Variants in ZSCAN5A observed in about 807,000 individuals in gnomAD.
The protein encoded by ZSCAN5A is zinc finger and SCAN domain containing 5A, also known as zinc finger and SCAN domain-containing protein 5A.
In ZSCAN5A, 12 loss-of-function variants were observed where a neutral mutation model predicts 23.7. The observed-to-expected ratio is 0.51, with a 90% CI of 0.32 to 0.82. ZSCAN5A has a LOEUF of 0.82. Ranked by LOEUF, ZSCAN5A falls within the 40% of genes least tolerant of loss-of-function variation. The probability of loss-of-function intolerance (pLI) is 0.03; values close to 1 mark genes in which losing one functional copy is unlikely to be tolerated. For missense variants in ZSCAN5A, 597 were observed against 617.9 expected (o/e 0.97, Z 0.36); for synonymous variants, 257 against 239.9 (o/e 1.07, Z -0.66).
intron 2 of ZSCAN5A, among the ~76,000 whole-genome samples, chr19:56,269,751 C>T (rs1300525880): frequency 1.3e-5 from 2 of 152,064 alleles, no homozygotes; most frequent in Non-Finnish European, 2.9e-5. Context: ...TGAAAGAGGC[C>T]GACCAGGAGT....
At chr19:56,295,960 G>C (rs1307811732) in intron 2 of ZSCAN5A, 1 of 152,660 alleles carries the variant, frequency 6.6e-6, no homozygotes. Flanking sequence ...CATCATCAGA[G>C]ATCCTAGGTG....
At chr19:56,224,065 C>T (rs2146398052) in intron 3 of ZSCAN5A, among the ~76,000 whole-genome samples, 1 of 151,812 alleles carries the variant, frequency 6.6e-6, no homozygotes, top group South Asian at 2.1e-4. Context: ...AAACATGGGT[C>T]CTTTAGATGA....
At chr19:56,298,949 G>C (rs2040055588) in intron 2 of ZSCAN5A, among the ~76,000 whole-genome samples, 1 of 152,156 alleles carries the variant, frequency 6.6e-6, no homozygotes. Flanking sequence ...CTAAATATTA[G>C]CAAGTGCAAT....
At chr19:56,222,462 G>T (rs1473183537) in intron 5 of ZSCAN5A, 129 bp downstream of exon 5, 5 of 1,548,490 alleles carry the variant, frequency 3.2e-6, no homozygotes, top group African/African-American at 2.8e-5. Context: ...TAGGTCTCTG[G>T]AAAGTAGAGG....
upstream of ZSCAN5A, among the ~76,000 whole-genome samples, chr19:56,318,613 A>G (rs192975106): frequency 1.4e-3 from 215 of 152,364 alleles, no homozygotes; most frequent in Admixed American, 2.9e-3. Context: ...TTATAGCATC[A>G]CTGACTTTAA....
At chr19:56,338,415 A>G (rs1487252443) in intron 2 of ZSCAN5A, 1 of 152,202 alleles carries the variant, frequency 6.6e-6, no homozygotes, top group Non-Finnish European at 1.5e-5. Context: ...AGATGGAGAC[A>G]ATCTCCACAG....
In ZSCAN5A at chr19:56,321,258, C is replaced by A. The variant is rs536904719; in HGVS notation, c.-357-4990G>T. 25 of 667,418 alleles carry A rather than the reference C, an allele frequency of 3.7e-5. No individual in the cohort carries two copies. The African/African-American group carries it at 4.1e-4, about 11-fold the overall frequency. 41.3% of individuals were successfully genotyped at this position (667,418 alleles called of 1,614,324 possible). A position where few individuals can be genotyped will look rare whatever the true frequency, so the allele number is the denominator to read the frequency against. On this transcript the variant is annotated intron_variant, in intron 2 of 6. Transcript: ENST00000587340. Reference sequence around the variant, plus strand: ...AATATCAGTTGGGGTATCAGTAGTGCCAGCAATCATCATCTTTTGCCAGGG... The same window carrying A: ...AATATCAGTTGGGGTATCAGTAGTGACAGCAATCATCATCTTTTGCCAGGG...
At chr19:56,357,161 A>T (rs1048261243) in intron 2 of ZSCAN5A, among the ~76,000 whole-genome samples, 3 of 148,476 alleles carry the variant, frequency 2.0e-5, no homozygotes, top group Non-Finnish European at 3.0e-5. Context: ...GTCTGGCTAC[A>T]TTCAATGACT....
intron 2 of ZSCAN5A, chr19:56,228,274 G>A (rs1302856048): frequency 2.0e-6 from 2 of 985,124 alleles, no homozygotes; most frequent in Non-Finnish European, 2.4e-6. Context: ...TTCTGCCTCC[G>A]ACCTTCTCGG....
chr19:56,365,405 C>A (rs1471933886), intron 1 of ZSCAN5A, among the ~76,000 whole-genome samples: 2 of 152,014 alleles, frequency 1.3e-5, no homozygotes, highest in African/African-American at 4.8e-5. Flanking sequence ...TTTTTATTTC[C>A]TCAACAATAG....
intron 2 of ZSCAN5A, among the ~76,000 whole-genome samples, chr19:56,264,221 C>G (rs1432242859): frequency 1.3e-5 from 2 of 152,136 alleles, no homozygotes; most frequent in Admixed American, 1.3e-4. Flanking sequence ...GTCTCGAACT[C>G]CTGACCTCAA....
intron 2 of ZSCAN5A, chr19:56,295,253 C>T (rs1212743045): frequency 2.0e-5 from 3 of 152,018 alleles, no homozygotes; most frequent in Admixed American, 6.6e-5. Context: ...TGGAATGTGC[C>T]ACCCCTGGAT....
intron 2 of ZSCAN5A, among the ~76,000 whole-genome samples, chr19:56,292,455 T>C (rs1378811079): frequency 6.6e-6 from 1 of 151,760 alleles, no homozygotes; most frequent in Non-Finnish European, 1.5e-5. Context: ...TTGTCTGTTT[T>C]TACTTTTTTT....
intron 2 of ZSCAN5A, chr19:56,322,333 A>G: frequency 1.2e-6 from 1 of 818,210 alleles, no homozygotes; most frequent in Non-Finnish European, 2.2e-6. Context: ...AGGACTTCTC[A>G]TTGTCTGCCG....
rs140058472 is a variant in ZSCAN5A, at chr19:56,310,866, T to C, written c.-128+2417A>G. Among the ~76,000 whole-genome samples, 313 of 152,280 alleles carry C rather than the reference T, an allele frequency of 2.1e-3. 1 individual carries two copies. The highest frequency in any genetic ancestry group is 7.2e-3 in the African/African-American group (300 of 41,544). Reference sequence around the variant, plus strand: ...TCCCAGCTCCACCCCTTAATAGATATGCAGGCTTGGGGAAGGTATTGTCTC... The same window carrying C: ...TCCCAGCTCCACCCCTTAATAGATACGCAGGCTTGGGGAAGGTATTGTCTC... On this transcript the variant is annotated intron_variant, in intron 2 of 5. Coordinates refer to ENST00000683990, the MANE Select transcript of ZSCAN5A (RefSeq NM_001322064.3).
chr19:56,237,950 T>A (rs1401410848), intron 2 of ZSCAN5A, among the ~76,000 whole-genome samples: 2 of 4,518 alleles, frequency 4.4e-4, no homozygotes, highest in Non-Finnish European at 1.1e-3. Flanking sequence ...TGATAGATCA[T>A]AAGTGTTTCA....
intron 2 of ZSCAN5A, among the ~76,000 whole-genome samples, chr19:56,276,860 A>G (rs908049548): frequency 2.0e-5 from 3 of 152,012 alleles, no homozygotes; most frequent in African/African-American, 4.8e-5. Context: ...ATTGATATTT[A>G]CCTTATTGTA....
At chr19:56,237,806 G>T (rs1294287964) in intron 2 of ZSCAN5A, among the ~76,000 whole-genome samples, 1 of 151,966 alleles carries the variant, frequency 6.6e-6, no homozygotes, top group East Asian at 1.9e-4. Flanking sequence ...ATTCCCAGCT[G>T]CTTGGGAGGA....
chr19:56,229,651 G>T (rs564064621), intron 2 of ZSCAN5A, among the ~76,000 whole-genome samples: 11 of 152,160 alleles, frequency 7.2e-5, no homozygotes, highest in African/African-American at 2.7e-4. Flanking sequence ...TGAAGCTGCC[G>T]TTGGTATTTT....
Sources: gnomAD v4.1 joint callset for allele counts (sites outside exome capture counted in the v4.1 genomes callset) on GRCh38, gnomAD v4.1.1 for gene constraint, MANE v1.5 for transcripts, NCBI Gene and HGNC (gene_info 2026-07-23, HGNC 2026-07-21) for gene names.